The following PARD3B variants were observed in gnomAD, a reference collection of about 807,000 sequenced individuals.
The protein encoded by PARD3B is par-3 family cell polarity regulator beta.
PARD3B carries 103 observed loss-of-function variants against 130.2 expected under a neutral mutation model. That is an observed-to-expected ratio of 0.79 (90% CI 0.67 to 0.93). The LOEUF is 0.93. Ranked by LOEUF, PARD3B falls within the 40% of genes least tolerant of loss-of-function variation. PARD3B has a pLI of 0.00. For synonymous variants in PARD3B, 583 were observed against 553.2 expected, an observed-to-expected ratio of 1.05 and a Z score of -0.76; for missense variants, 1,609 against 1,499.2, an observed-to-expected ratio of 1.07 and a Z score of -1.21.
chr2:205,384,311 A>G (rs551651041), intron 18 of PARD3B, among the ~76,000 whole-genome samples: 3 of 152,192 alleles, frequency 2.0e-5, no homozygotes, highest in Non-Finnish European at 4.4e-5. Flanking sequence ...AGGAGCACTA[A>G]TGAGTCCTCA....
rs549231446 is a variant in PARD3B, at chr2:205,511,394, C to G, written c.3180+11363C>G. Among the ~76,000 whole-genome samples, 4 of 152,322 alleles carry G rather than the reference C, an allele frequency of 2.6e-5. No individual in the cohort carries two copies. The East Asian group carries it at 7.7e-4, about 29-fold the overall frequency. The stretch of plus-strand genomic sequence containing the variant: ...TTCCATTAGAGTGAAAAAAAGAACT[C>G]TTTCTGCTTTTAATGAGCAATTAAT... On this transcript the variant is annotated intron_variant, in intron 21 of 22. Transcript: ENST00000406610.
At chr2:204,634,794 G>A (rs2034812484) in intron 1 of PARD3B, among the ~76,000 whole-genome samples, 1 of 152,014 alleles carries the variant, frequency 6.6e-6, no homozygotes, top group Non-Finnish European at 1.5e-5. Context: ...GATATTAGTG[G>A]CCATAGATGA....
At chr2:205,555,137 A>G (rs2052822737) in intron 22 of PARD3B, among the ~76,000 whole-genome samples, 1 of 152,230 alleles carries the variant, frequency 6.6e-6, no homozygotes, top group Admixed American at 6.5e-5. Flanking sequence ...GAGGGAGTAA[A>G]AAAAGGAAAA....
chr2:204,751,176 C>T (rs2040452365), intron 2 of PARD3B, among the ~76,000 whole-genome samples: 1 of 151,960 alleles, frequency 6.6e-6, no homozygotes, highest in Non-Finnish European at 1.5e-5. Context: ...CTTTTTTTGA[C>T]TTGTGATATT....
intron 2 of PARD3B, among the ~76,000 whole-genome samples, chr2:204,705,479 C>CA (rs2038097141): frequency 6.7e-6 from 1 of 149,664 alleles, no homozygotes; most frequent in African/African-American, 2.5e-5. Flanking sequence ...GAATGAGGGC[C>CA]ATTCAAAAAA....
At chr2:205,038,511 T>G (rs530007710) in intron 3 of PARD3B, among the ~76,000 whole-genome samples, 1 of 152,260 alleles carries the variant, frequency 6.6e-6, no homozygotes, top group Non-Finnish European at 1.5e-5. Flanking sequence ...TGCAGATTTG[T>G]GAATACAACT....
At chr2:205,192,342 A>G (rs1289562202) in intron 14 of PARD3B, among the ~76,000 whole-genome samples, 5 of 152,174 alleles carry the variant, frequency 3.3e-5, no homozygotes. Context: ...GATTTTCACT[A>G]TATTTGGGAT....
chr2:204,835,601 A>G (rs191261610), intron 2 of PARD3B, among the ~76,000 whole-genome samples: 1 of 152,296 alleles, frequency 6.6e-6, no homozygotes, highest in East Asian at 1.9e-4. Context: ...GATCTAAGAT[A>G]TGAATACCAG....
At chr2:205,505,500 G>A (rs189710105) in intron 21 of PARD3B, among the ~76,000 whole-genome samples, 78 of 152,194 alleles carry the variant, frequency 5.1e-4, no homozygotes, top group Admixed American at 1.6e-3. Context: ...CTGTTTTCCC[G>A]TCTTAGCTCT....
chr2:204,819,333 G>C (rs2043254310), intron 2 of PARD3B, among the ~76,000 whole-genome samples: 2 of 152,086 alleles, frequency 1.3e-5, no homozygotes, highest in South Asian at 4.1e-4. Context: ...TTGTTACGGT[G>C]ATCTGTGATC....
intron 22 of PARD3B, among the ~76,000 whole-genome samples, chr2:205,581,873 G>C (rs946666340): frequency 6.6e-6 from 1 of 152,194 alleles, no homozygotes; most frequent in South Asian, 2.1e-4. Flanking sequence ...TATTGCCTCT[G>C]TGGCAACGTT....
intron 22 of PARD3B, among the ~76,000 whole-genome samples, chr2:205,582,574 T>A (rs538475495): frequency 9.8e-5 from 15 of 152,296 alleles, no homozygotes; most frequent in South Asian, 8.3e-4. Context: ...GAATTTTTTT[T>A]AAATTCTCTA....
intron 2 of PARD3B, among the ~76,000 whole-genome samples, chr2:204,888,214 T>C (rs1222740956): frequency 1.3e-5 from 2 of 152,142 alleles, no homozygotes; most frequent in East Asian, 3.9e-4. Flanking sequence ...TGGATGTGTA[T>C]TGAGATTTAT....
At position 204,678,698 on chromosome 2, in the gene PARD3B, C is replaced by T. The variant is rs553084468; in HGVS notation, c.121-7483C>T. Among the ~76,000 whole-genome samples the T allele has an allele frequency of 8.0e-4, 122 of 152,216 alleles. No individual in the cohort carries two copies. Among genetic ancestry groups the T allele is most frequent in the African/African-American group, 2.8e-3 (117 of 41,534 alleles). ...CCTCTCGATGTTCAGCCGCTTGTCT[C>T]TCTGCCAGCTGAGCTCTGAGGTTTA... is the stretch of plus-strand genomic sequence containing the variant. On this transcript the variant is annotated intron_variant, in intron 1 of 22. Coordinates refer to ENST00000406610, the MANE Select transcript of PARD3B (RefSeq NM_001302769.2). The surrounding 1 kb of genome is among the most constrained non-coding windows in gnomAD (Gnocchi z 4.2).
At chr2:204,902,946 G>T (rs2046920601) in intron 2 of PARD3B, among the ~76,000 whole-genome samples, 1 of 152,186 alleles carries the variant, frequency 6.6e-6, no homozygotes, top group African/African-American at 2.4e-5. Flanking sequence ...GAAATGGTAG[G>T]TGGTGATGAC....
intron 15 of PARD3B, among the ~76,000 whole-genome samples, chr2:205,197,214 T>A (rs756601974): frequency 3.7e-4 from 57 of 152,180 alleles, no homozygotes; most frequent in Admixed American, 1.1e-3. Flanking sequence ...TTATTTTTTT[T>A]AATCAAGAAT....
At chr2:205,168,529 G>C (rs2034962205) in intron 11 of PARD3B, among the ~76,000 whole-genome samples, 1 of 152,064 alleles carries the variant, frequency 6.6e-6, no homozygotes, top group South Asian at 2.1e-4. Context: ...AAGCAAATGG[G>C]ACATACACAA....
chr2:204,930,099 T>A (rs983947924), intron 2 of PARD3B, among the ~76,000 whole-genome samples: 1 of 152,088 alleles, frequency 6.6e-6, no homozygotes, highest in Non-Finnish European at 1.5e-5. Flanking sequence ...TTTTTGTCTT[T>A]TATGTTTTCA....
chr2:205,216,731 C>T (rs1360666910), intron 15 of PARD3B, among the ~76,000 whole-genome samples: 1 of 152,104 alleles, frequency 6.6e-6, no homozygotes, highest in East Asian at 1.9e-4. Context: ...GGTTTTAGGT[C>T]AACACAGAAC....
Sources: allele counts gnomAD v4.1 joint callset (sites outside exome capture counted in the v4.1 genomes callset), GRCh38; gene constraint gnomAD v4.1.1; non-coding constraint Gnocchi (gnomAD v3.1); transcripts MANE v1.5; gene names NCBI Gene and HGNC (gene_info 2026-07-23, HGNC 2026-07-21).